The following CEP63 variants were observed in gnomAD, a reference collection of about 807,000 sequenced individuals.
CEP63 encodes centrosomal protein 63.
In CEP63, 84 loss-of-function variants were observed where a neutral mutation model predicts 89.1. The ratio of observed to expected loss-of-function variants is 0.94; its 90% CI spans 0.79 to 1.13. CEP63 has a LOEUF of 1.13. CEP63 is among the 50% of genes most tolerant of loss of function. CEP63 has a pLI of 0.00. For missense variants in CEP63, 838 were observed against 813.3 expected (o/e 1.03, Z -0.37); for synonymous variants, 267 against 272.5 (o/e 0.98, Z 0.20).
chr3:134,749,705 CAAAAAAAAAAAAAAA>C, the CEP63 span, among the ~76,000 whole-genome samples: 18 of 49,400 alleles, frequency 3.6e-4, no homozygotes, highest in East Asian at 7.9e-3. Flanking sequence ...AGGGGTTGTT[CAAAAAAAAAAAAAAA>C]AAAAAAAAAA....
the CEP63 span, among the ~76,000 whole-genome samples, chr3:134,601,532 C>T: frequency 6.6e-6 from 1 of 152,246 alleles, no homozygotes; most frequent in South Asian, 2.1e-4. Context: ...CAGAAGTGTG[C>T]AAGACGGCTG....
the CEP63 span, among the ~76,000 whole-genome samples, chr3:134,593,392 T>A: frequency 6.6e-6 from 1 of 152,328 alleles, no homozygotes; most frequent in Middle Eastern, 3.4e-3. Flanking sequence ...CAGTAGGTGC[T>A]ATGAGTATCC....
intron 3 of CEP63, among the ~76,000 whole-genome samples, chr3:134,509,534 T>A (rs1346900086): frequency 6.6e-6 from 1 of 152,192 alleles, no homozygotes; most frequent in Non-Finnish European, 1.5e-5. Context: ...TATTAAGTAA[T>A]GATGATGGTT....
At chr3:134,607,259 T>C in the CEP63 span, 1 of 985,458 alleles carries the variant, frequency 1.0e-6, no homozygotes, top group Non-Finnish European at 1.2e-6. Context: ...TGCCAGGTAT[T>C]TGGAGTTGGA....
chr3:134,716,471 G>C, the CEP63 span, among the ~76,000 whole-genome samples: 22 of 152,134 alleles, frequency 1.4e-4, no homozygotes, highest in Non-Finnish European at 2.9e-5. Context: ...GAGAGGGGGT[G>C]GTCAATCTGT....
chr3:134,639,307 G>A, the CEP63 span, among the ~76,000 whole-genome samples: 1 of 152,052 alleles, frequency 6.6e-6, no homozygotes, highest in Non-Finnish European at 1.5e-5. Context: ...CCACCCTTAG[G>A]GGGTACTGCC....
In CEP63 at chr3:134,520,121, G is replaced by C. The variant is rs369397756; in HGVS notation, c.223-11724G>C. Among the ~76,000 whole-genome samples the C allele has an allele frequency of 8.5e-5, 13 of 152,172 alleles. No homozygotes were observed. In the East Asian group the frequency reaches 2.5e-3, roughly 29 times the overall value. On this transcript the variant is annotated intron_variant, in intron 3 of 14. Transcript: ENST00000675561. ...AAGAAAAATAAATAAAAGACATAAG[G>C]ATTAGAGAGGAAGAAATACCACTGC...
chr3:134,760,901 G>A, the CEP63 span, among the ~76,000 whole-genome samples: 2 of 152,006 alleles, frequency 1.3e-5, no homozygotes, highest in African/African-American at 4.8e-5. Flanking sequence ...TAGTACCTCA[G>A]TGCCCACAGA....
At chr3:134,742,240 G>T in the CEP63 span, among the ~76,000 whole-genome samples, 1 of 151,928 alleles carries the variant, frequency 6.6e-6, no homozygotes, top group East Asian at 1.9e-4. Flanking sequence ...ATACTCCTGG[G>T]TCTTCTTCCA....
At chr3:134,585,230 C>T (rs1022391380) in intron 10 of CEP63, among the ~76,000 whole-genome samples, 11 of 152,058 alleles carry the variant, frequency 7.2e-5, no homozygotes, top group African/African-American at 2.7e-4. Flanking sequence ...CTTCTGCTAG[C>T]TTTTGAATGT....
At chr3:134,704,138 T>C in the CEP63 span, among the ~76,000 whole-genome samples, 1 of 152,196 alleles carries the variant, frequency 6.6e-6, no homozygotes, top group African/African-American at 2.4e-5. Context: ...TCTTCTAGAG[T>C]GTTTTAGTCT....
intron 6 of CEP63, among the ~76,000 whole-genome samples, chr3:134,543,187 A>G (rs997329755): frequency 1.3e-5 from 2 of 152,222 alleles, no homozygotes; most frequent in African/African-American, 4.8e-5. Context: ...ATTCAACTCA[A>G]TATGTCAGAA....
chr3:134,581,897 G>T (rs567909394), intron 10 of CEP63, among the ~76,000 whole-genome samples: 224 of 151,586 alleles, frequency 1.5e-3, no homozygotes, highest in Admixed American at 0.013. Flanking sequence ...GGATGGTCTC[G>T]ATCTCCTGAC....
chr3:134,764,349 A>G, the CEP63 span, among the ~76,000 whole-genome samples: 4 of 152,156 alleles, frequency 2.6e-5, no homozygotes, highest in Non-Finnish European at 5.9e-5. Context: ...AGAATATGTG[A>G]CAATAGACAG....
the CEP63 span, chr3:134,613,157 A>C: frequency 6.5e-6 from 1 of 154,328 alleles, no homozygotes; most frequent in Non-Finnish European, 1.5e-5. Context: ...GGACCTCTGG[A>C]CATGCTGCCC....
At chr3:134,610,022 C>T in the CEP63 span, among the ~76,000 whole-genome samples, 95,275 of 151,892 alleles carry the variant, frequency 0.63, 30,358 homozygotes, top group East Asian at 0.87. Flanking sequence ...GGGTCTGGGC[C>T]CTCACAATTG....
intron 6 of CEP63, among the ~76,000 whole-genome samples, chr3:134,537,497 C>T (rs1225751560): frequency 2.0e-5 from 3 of 152,154 alleles, no homozygotes; most frequent in South Asian, 2.1e-4. Flanking sequence ...TCCTTGTGCC[C>T]GCTTGCTGCT....
the CEP63 span, among the ~76,000 whole-genome samples, chr3:134,753,246 G>A: frequency 3.9e-5 from 6 of 152,162 alleles, no homozygotes; most frequent in African/African-American, 7.2e-5. Context: ...GTGTCTACTC[G>A]TTCTCTTTGC....
chr3:134,515,891 A>C (rs1407626477), intron 3 of CEP63, among the ~76,000 whole-genome samples: 1 of 152,142 alleles, frequency 6.6e-6, no homozygotes, highest in African/African-American at 2.4e-5. Flanking sequence ...ATTGGGCCAC[A>C]TATGGCCTGT....
Sources: gnomAD v4.1 joint callset for allele counts (sites outside exome capture counted in the v4.1 genomes callset) on GRCh38, gnomAD v4.1.1 for gene constraint, MANE v1.5 for transcripts, NCBI Gene and HGNC (gene_info 2026-07-23, HGNC 2026-07-21) for gene names.